The following UGT2A2 variants were observed in gnomAD, a reference collection of about 807,000 sequenced individuals.
UGT2A2 encodes the protein UDP glucuronosyltransferase family 2 member A2.
A neutral mutation model predicts 50.7 loss-of-function variants in UGT2A2; 60 were observed. That is an observed-to-expected ratio of 1.18 (90% CI 0.96 to 1.47). The LOEUF (loss-of-function observed/expected upper bound fraction) is 1.47, where lower values mean the gene tolerates loss of function less well. UGT2A2 is among the 40% of genes most tolerant of loss of function. The pLI, the probability that UGT2A2 is intolerant of heterozygous loss-of-function variation, is 0.00. For missense variants in UGT2A2, 762 were observed against 634.0 expected (o/e 1.20, Z -2.17); for synonymous variants, 242 against 214.6 (o/e 1.13, Z -1.11).
chr4:69,638,839 A>G (rs1032837368), intron 1 of UGT2A2, 60 bp downstream of exon 1: 11 of 1,462,328 alleles, frequency 7.5e-6, no homozygotes, highest in Admixed American at 5.4e-5. Flanking sequence ...CGTTTGCCAT[A>G]TGACAATAAG....
At chr4:69,611,342 A>G (rs1720037698) in intron 1 of UGT2A2, among the ~76,000 whole-genome samples, 1 of 137,454 alleles carries the variant, frequency 7.3e-6, no homozygotes, top group African/African-American at 2.8e-5. Flanking sequence ...AGTCAGAAAC[A>G]ACAAAATACA....
chr4:69,610,668 A>C (rs1017418074), intron 1 of UGT2A2, among the ~76,000 whole-genome samples: 8 of 152,156 alleles, frequency 5.3e-5, no homozygotes, highest in African/African-American at 1.9e-4. Context: ...ATCCATTATG[A>C]CTAGTGTCCT....
chr4:69,592,758 C>T (rs988484233), intron 5 of UGT2A2, among the ~76,000 whole-genome samples: 2 of 150,908 alleles, frequency 1.3e-5, no homozygotes, highest in South Asian at 4.2e-4. Context: ...AACTGGTGCT[C>T]CAGAAGTAAA....
intron 1 of UGT2A2, among the ~76,000 whole-genome samples, chr4:69,627,548 A>AAGAG (rs780406424): frequency 3.2e-4 from 20 of 62,652 alleles, no homozygotes; most frequent in Non-Finnish European, 6.4e-4. Flanking sequence ...GAGAGAGAGA[A>AAGAG]AGAGAGAGAG....
chr4:69,622,217 G>C (rs1553906209), intron 1 of UGT2A2, among the ~76,000 whole-genome samples: 1 of 151,354 alleles, frequency 6.6e-6, no homozygotes, highest in African/African-American at 2.4e-5. Context: ...AAGAGAAATT[G>C]AAAGAAAAAA....
At chr4:69,627,459 GGC>G (rs2109948381) in intron 1 of UGT2A2, among the ~76,000 whole-genome samples, 1 of 63,938 alleles carries the variant, frequency 1.6e-5, no homozygotes, top group African/African-American at 7.5e-5. Context: ...TAGGCAGACA[GGC>G]AAGCAGGCAG....
intron 1 of UGT2A2, among the ~76,000 whole-genome samples, chr4:69,613,054 TA>T (rs71206001): frequency 0.4 from 59,789 of 151,350 alleles, 12,098 homozygotes; most frequent in African/African-American, 0.48. Context: ...ATAACCTCAC[TA>T]AAAAAGACAG....
At chr4:69,604,694 C>T (rs1384381667) in intron 1 of UGT2A2, among the ~76,000 whole-genome samples, 1 of 136,560 alleles carries the variant, frequency 7.3e-6, no homozygotes, top group East Asian at 2.1e-4. Context: ...TGAAGAGACA[C>T]ACATAGGCTC....
chr4:69,594,386 T>C (rs1718781597), intron 5 of UGT2A2, 91 bp downstream of exon 5: 1 of 1,487,266 alleles, frequency 6.7e-7, no homozygotes, highest in African/African-American at 1.4e-5. Context: ...TATTGGAAAA[T>C]AATTACAAAA....
At chr4:69,632,984 G>C (rs767412909) in intron 1 of UGT2A2, among the ~76,000 whole-genome samples, 1 of 152,006 alleles carries the variant, frequency 6.6e-6, no homozygotes, top group Non-Finnish European at 1.5e-5. Flanking sequence ...CAAACCGGAC[G>C]TGGGTGACAA....
chr4:69,612,761 C>T (rs1419910479), intron 1 of UGT2A2, among the ~76,000 whole-genome samples: 1 of 151,806 alleles, frequency 6.6e-6, no homozygotes, highest in Non-Finnish European at 1.5e-5. Context: ...TGGAAGACCT[C>T]AAAGTATAAA....
Position 69,609,214 on chromosome 4 carries a change from G to A in UGT2A2, c.743-9820C>T, listed in dbSNP as rs1021950326. Among the ~76,000 whole-genome samples, 16 of 150,426 alleles carry A rather than the reference G, an allele frequency of 1.1e-4. 1 individual carries two copies. The highest frequency in any genetic ancestry group is 7.3e-4 in the Admixed American group (11 of 15,062). ...GTCTTCCAGGCTGGAATGCAGTGGT[G>A]CCAACACAGCTCACTGCAGCCTTGA... On this transcript the variant is annotated intron_variant, in intron 1 of 5. Coordinates refer to ENST00000604629, the MANE Select transcript of UGT2A2 (RefSeq NM_001105677.2).
intron 1 of UGT2A2, chr4:69,603,511 T>A (rs1577956287): frequency 7.3e-6 from 1 of 136,060 alleles, no homozygotes; most frequent in Non-Finnish European, 1.6e-5. Context: ...TCAGAGTGCC[T>A]CTCCTCCTCC....
chr4:69,639,072 C>T lies in UGT2A2; in HGVS notation c.569G>A (p.Arg190Lys). Reference sequence around the variant, plus strand: ...TGGTGCTGGGATTTTCCCACAGTGTCTCTCCACTGTTGATGCTGGAGAGAA... The same window carrying T: ...TGGTGCTGGGATTTTCCCACAGTGTTTCTCCACTGTTGATGCTGGAGAGAA... ...LRFSPASTVE[R>K]HCGKIPAPVS... Residue 190 changes from arginine to lysine, a missense_variant, in exon 1 of 6, where the codon AGA becomes AAA. Transcript: ENST00000604629. The T allele has an allele frequency of 6.2e-7, 1 of 1,613,410 alleles. No homozygotes were observed. Among genetic ancestry groups the T allele is most frequent in the Non-Finnish European group, 8.5e-7 (1 of 1,179,642 alleles).
rs1181516867 is a variant in UGT2A2 at position 69,606,736 on chromosome 4, A to C, written c.743-7342T>G. The stretch of plus-strand genomic sequence containing the variant: ...AACTTCAGCAAAGTCTCAGGATACA[A>C]AATCAATGTGCAAAAATCACAAGCA... On this transcript the variant is annotated intron_variant, in intron 1 of 5. Transcript: ENST00000604629. 2.2e-5 allele frequency among the ~76,000 whole-genome samples: 3 copies of C among 137,028 alleles called. 1 individual carries two copies. Among genetic ancestry groups the C allele is most frequent in the Non-Finnish European group, 4.7e-5 (3 of 64,346 alleles). 89.9% of individuals were successfully genotyped at this position (137,028 alleles called of 152,430 possible). A position where few individuals can be genotyped will look rare whatever the true frequency, so the allele number is the denominator to read the frequency against.
chr4:69,601,254 A>C (rs939266460), intron 1 of UGT2A2, among the ~76,000 whole-genome samples: 2 of 152,054 alleles, frequency 1.3e-5, no homozygotes, highest in African/African-American at 4.8e-5. Context: ...CACTGTGACC[A>C]CTACTCATGC....
chr4:69,598,672 A>C (rs1211295026), intron 2 of UGT2A2, among the ~76,000 whole-genome samples: 2 of 152,150 alleles, frequency 1.3e-5, no homozygotes, highest in African/African-American at 2.4e-5. Flanking sequence ...TACAGTAAAT[A>C]GGTCAGAAAC....
chr4:69,607,937 T>C (rs1220293123), intron 1 of UGT2A2, among the ~76,000 whole-genome samples: 2 of 152,160 alleles, frequency 1.3e-5, no homozygotes, highest in East Asian at 3.8e-4. Flanking sequence ...CTGGAGAGGA[T>C]GTCGAGAAAT....
Position 69,589,610 on chromosome 4 carries a change from T to C in UGT2A2, c.1373A>G (p.Asp458Gly). The C allele has an allele frequency of 6.2e-7, 1 of 1,613,926 alleles. No homozygotes were observed. Among genetic ancestry groups the C allele is most frequent in the Non-Finnish European group, 8.5e-7 (1 of 1,179,860 alleles). ...NAMRLSRIHH[D>G]QPVKPLDRAV... Reference sequence around the variant, plus strand: ...TCGATCCAGGGGCTTTACAGGTTGATCATGGTGAATTCTTGATAACCTCAT... The same window carrying C: ...TCGATCCAGGGGCTTTACAGGTTGACCATGGTGAATTCTTGATAACCTCAT... The change falls in exon 6 of 6, where the codon GAT becomes GGT. Residue 458 changes from aspartate to glycine, a missense_variant. Coordinates refer to ENST00000604629, the MANE Select transcript of UGT2A2 (RefSeq NM_001105677.2).
Sources: gnomAD v4.1 joint callset for allele counts (sites outside exome capture counted in the v4.1 genomes callset) on GRCh38, gnomAD v4.1.1 for gene constraint, MANE v1.5 for transcripts, NCBI Gene and HGNC (gene_info 2026-07-23, HGNC 2026-07-21) for gene names.